The following REEP3 variants were observed in gnomAD, a reference collection of about 807,000 sequenced individuals.
REEP3 encodes receptor expression-enhancing protein 3.
In REEP3, 20 loss-of-function variants were observed where a neutral mutation model predicts 41.3. The ratio of observed to expected loss-of-function variants is 0.48; its 90% CI spans 0.34 to 0.70. The LOEUF is 0.70. Ranked by LOEUF, REEP3 falls within the 30% of genes least tolerant of loss-of-function variation. The probability of loss-of-function intolerance (pLI) is 0.01; values close to 1 mark genes in which losing one functional copy is unlikely to be tolerated. For synonymous variants in REEP3, 104 were observed against 101.8 expected (o/e 1.02, Z -0.13); for missense variants, 271 against 308.8 (o/e 0.88, Z 0.92).
intron 2 of REEP3, among the ~76,000 whole-genome samples, chr10:63,570,847 G>A (rs1265697716): frequency 6.6e-6 from 1 of 152,192 alleles, no homozygotes; most frequent in Non-Finnish European, 1.5e-5. Context: ...TGGTGCAGTG[G>A]CTCACACCTG....
At chr10:63,608,283 AT>A (rs1956246842) in intron 5 of REEP3, among the ~76,000 whole-genome samples, 1 of 152,232 alleles carries the variant, frequency 6.6e-6, no homozygotes, top group African/African-American at 2.4e-5. Context: ...AAATCCAATT[AT>A]TTTTATTGAG....
chr10:63,569,661 G>C (rs1290924695), intron 2 of REEP3, among the ~76,000 whole-genome samples: 1 of 152,104 alleles, frequency 6.6e-6, no homozygotes, highest in African/African-American at 2.4e-5. Flanking sequence ...AATAGGCTTG[G>C]CCACGTGCAG....
intron 1 of REEP3, among the ~76,000 whole-genome samples, chr10:63,542,379 A>G (rs963979111): frequency 6.6e-6 from 1 of 152,114 alleles, no homozygotes; most frequent in African/African-American, 2.4e-5. Flanking sequence ...CCCACCCAAC[A>G]TCACTAATTC....
intron 3 of REEP3, among the ~76,000 whole-genome samples, chr10:63,596,223 T>C (rs1314808443): frequency 1.3e-5 from 2 of 152,174 alleles, no homozygotes; most frequent in African/African-American, 4.8e-5. Context: ...TCCCTTCCTG[T>C]GCCCCAAAGC....
intron 1 of REEP3, among the ~76,000 whole-genome samples, chr10:63,564,269 C>T (rs1445907339): frequency 2.6e-5 from 4 of 152,082 alleles, no homozygotes; most frequent in African/African-American, 9.7e-5. Context: ...ACAAAGTTAT[C>T]GTATACTCAT....
Position 63,566,334 on chromosome 10 carries a change from T to C in REEP3, c.33-4T>C, listed in dbSNP as rs564572536. 6.8e-5 allele frequency: 105 copies of C among 1,535,624 alleles called. No homozygotes were observed. The highest frequency in any genetic ancestry group is 4.4e-6 in the Non-Finnish European group (5 of 1,132,342). On this transcript the variant is annotated splice_polypyrimidine_tract_variant and splice_region_variant and intron_variant, in intron 1 of 7. Transcript: ENST00000373758. ...AACAGTATTCTCATTTTTTTTACTT[T>C]TAGGCTGGTGTTTGGAATGCTTTAT...
intron 1 of REEP3, among the ~76,000 whole-genome samples, chr10:63,556,260 C>T (rs575089166): frequency 1.8e-3 from 278 of 152,150 alleles, no homozygotes; most frequent in African/African-American, 6.4e-3. Context: ...GGATTACAGG[C>T]GCGGGCCACC....
intron 1 of REEP3, among the ~76,000 whole-genome samples, chr10:63,540,096 A>T (rs1435316957): frequency 6.6e-6 from 1 of 152,240 alleles, no homozygotes; most frequent in Admixed American, 6.5e-5. Context: ...AACAGTAAGC[A>T]ACATTAGTGG....
chr10:63,574,933 G>A (rs575193733), intron 2 of REEP3, among the ~76,000 whole-genome samples: 2 of 138,474 alleles, frequency 1.4e-5, no homozygotes, highest in South Asian at 2.3e-4. Flanking sequence ...CTTGGCTCAC[G>A]GCAACCTCTG....
chr10:63,573,477 A>C (rs987475159), intron 2 of REEP3, among the ~76,000 whole-genome samples: 1 of 152,210 alleles, frequency 6.6e-6, no homozygotes, highest in African/African-American at 2.4e-5. Context: ...GAAAGCAGCA[A>C]TGAAAAGATT....
chr10:63,600,021 T>G (rs1006061661), intron 5 of REEP3, among the ~76,000 whole-genome samples: 2 of 152,334 alleles, frequency 1.3e-5, no homozygotes, highest in African/African-American at 4.8e-5. Flanking sequence ...AGTGCTTGCT[T>G]GCATATAGTA....
intron 2 of REEP3, among the ~76,000 whole-genome samples, chr10:63,576,585 T>C (rs1955900557): frequency 6.6e-6 from 1 of 152,222 alleles, no homozygotes; most frequent in Admixed American, 6.5e-5. Flanking sequence ...TGACCCTGTT[T>C]CCAAATAAGG....
At chr10:63,524,734 G>A (rs984940060) in intron 1 of REEP3, among the ~76,000 whole-genome samples, 2 of 152,118 alleles carry the variant, frequency 1.3e-5, no homozygotes, top group Non-Finnish European at 1.5e-5. Flanking sequence ...ATGAGCCACC[G>A]CACCTGGCCC....
At chr10:63,523,774 C>T (rs1326827778) in intron 1 of REEP3, among the ~76,000 whole-genome samples, 4 of 152,130 alleles carry the variant, frequency 2.6e-5, no homozygotes, top group South Asian at 2.1e-4. Flanking sequence ...GTGAGGGACT[C>T]GGGTGGGGAA....
In REEP3 at chr10:63,623,210, T is replaced by C. The variant is rs1313234572; in HGVS notation, c.*2341T>C. On this transcript the variant is annotated 3_prime_UTR_variant, in exon 8 of 8. Transcript: ENST00000373758. ...CAGTGCTTCCTCTGATATCTTTCCTTACATCATTATACACTGTTGATATCA... is the reference window on the plus strand; with the variant it reads ...CAGTGCTTCCTCTGATATCTTTCCTCACATCATTATACACTGTTGATATCA... 2 of 152,256 alleles carry C rather than the reference T, an allele frequency of 1.3e-5. No homozygotes were observed. Among genetic ancestry groups the C allele is most frequent in the East Asian group, 1.9e-4 (1 of 5,204 alleles). 9.4% of individuals were successfully genotyped at this position (152,256 alleles called of 1,614,324 possible).
At chr10:63,613,956 TTTTGAGATTTTCCTGCATAAAAAATAC>T (rs1225640137) in intron 6 of REEP3, among the ~76,000 whole-genome samples, 11 of 152,182 alleles carry the variant, frequency 7.2e-5, no homozygotes, top group Non-Finnish European at 1.3e-4. Context: ...ATGGAATAGT[TTTTGAGATTTTCCTGCATAAAAAATAC>T]ATAAAACTCT....
intron 4 of REEP3, among the ~76,000 whole-genome samples, chr10:63,598,779 A>G (rs1956142971): frequency 1.7e-5 from 2 of 115,188 alleles, no homozygotes; most frequent in South Asian, 6.4e-4. Flanking sequence ...GCGAGACTCC[A>G]TCTCAAAAAA....
intron 2 of REEP3, among the ~76,000 whole-genome samples, chr10:63,581,859 T>G (rs905785814): frequency 8.6e-5 from 13 of 151,418 alleles, no homozygotes; most frequent in African/African-American, 3.1e-4. Flanking sequence ...ATGCTAAAGG[T>G]TCAGCTCCTT....
intron 1 of REEP3, among the ~76,000 whole-genome samples, chr10:63,527,440 T>G (rs1012648529): frequency 1.3e-5 from 2 of 152,150 alleles, no homozygotes; most frequent in African/African-American, 4.8e-5. Flanking sequence ...GGGAGGCTGA[T>G]GCGTATAGAT....
Sources: gnomAD v4.1 joint callset for allele counts (sites outside exome capture counted in the v4.1 genomes callset) on GRCh38, gnomAD v4.1.1 for gene constraint, MANE v1.5 for transcripts, NCBI Gene and HGNC (gene_info 2026-07-23, HGNC 2026-07-21) for gene names.